Variants in CLEC16A observed in about 807,000 individuals in gnomAD.
CLEC16A encodes protein CLEC16A.
A neutral mutation model predicts 109.5 loss-of-function variants in CLEC16A; 51 were observed. The ratio of observed to expected loss-of-function variants is 0.47; its 90% CI spans 0.37 to 0.59. The LOEUF (loss-of-function observed/expected upper bound fraction) is 0.59. Among genes scored for constraint, CLEC16A ranks in the 20% least tolerant of loss-of-function variants. The probability of loss-of-function intolerance (pLI) is 0.00; values close to 1 mark genes in which losing one functional copy is unlikely to be tolerated. For synonymous variants in CLEC16A, 673 were observed against 564.2 expected (o/e 1.19, Z -2.73); for missense variants, 1,339 against 1,394.0 (o/e 0.96, Z 0.63).
At chr16:10,976,386 T>G (rs1246005033) in intron 7 of CLEC16A, among the ~76,000 whole-genome samples, 1 of 151,276 alleles carries the variant, frequency 6.6e-6, no homozygotes. Flanking sequence ...CGGATAGAAA[T>G]GTGACATCTA....
Position 11,147,520 on chromosome 16 carries a change from G to A in CLEC16A, c.2642-18868G>A, listed in dbSNP as rs574390642. ...CAGGTTGTTCTGCAGAGCAGGGTTAGGAGTAAAGTGTTTGTAATCCCCTGC... is the reference window on the plus strand; with the variant it reads ...CAGGTTGTTCTGCAGAGCAGGGTTAAGAGTAAAGTGTTTGTAATCCCCTGC... On this transcript the variant is annotated intron_variant, in intron 22 of 23. Transcript: ENST00000409790. Among the ~76,000 whole-genome samples the A allele has an allele frequency of 1.3e-3, 202 of 152,322 alleles. 1 individual carries two copies. The highest frequency in any genetic ancestry group is 2.0e-3 in the Non-Finnish European group (138 of 68,032).
chr16:10,967,969 A>G (rs1438603993), intron 3 of CLEC16A, among the ~76,000 whole-genome samples: 1 of 152,254 alleles, frequency 6.6e-6, no homozygotes, highest in Non-Finnish European at 1.5e-5. Flanking sequence ...AAGATCCTAC[A>G]GGTCTGACAA....
At chr16:11,156,584 T>G (rs2054531060) in intron 22 of CLEC16A, 7 of 1,304,222 alleles carry the variant, frequency 5.4e-6, no homozygotes, top group Non-Finnish European at 7.1e-6. Flanking sequence ...CCCTGCTGAC[T>G]GCCGCAGTAG....
At chr16:10,994,584 G>A (rs949428199) in intron 10 of CLEC16A, among the ~76,000 whole-genome samples, 1 of 152,064 alleles carries the variant, frequency 6.6e-6, no homozygotes. Flanking sequence ...TGTGTCTGTG[G>A]TCCCAGCTAC....
chr16:11,026,713 T>C (rs937046207), intron 13 of CLEC16A, among the ~76,000 whole-genome samples: 1 of 151,146 alleles, frequency 6.6e-6, no homozygotes, highest in Non-Finnish European at 1.5e-5. Flanking sequence ...TAACTTCTTA[T>C]AAAGAAGCTT....
At chr16:11,057,835 C>T (rs2048286458) in intron 18 of CLEC16A, among the ~76,000 whole-genome samples, 1 of 152,330 alleles carries the variant, frequency 6.6e-6, no homozygotes, top group African/African-American at 2.4e-5. Flanking sequence ...TAGTTATTCA[C>T]TAACTGACCT....
At chr16:11,142,224 C>T (rs1445327057) in intron 22 of CLEC16A, among the ~76,000 whole-genome samples, 2 of 152,232 alleles carry the variant, frequency 1.3e-5, no homozygotes, top group East Asian at 1.9e-4. Context: ...ATCGGACCCC[C>T]ACAGTCTGCT....
At chr16:11,122,279 G>C (rs2052477111) in intron 20 of CLEC16A, among the ~76,000 whole-genome samples, 1 of 152,208 alleles carries the variant, frequency 6.6e-6, no homozygotes, top group Non-Finnish European at 1.5e-5. Flanking sequence ...AGTGTGGTGT[G>C]AGAAACAACT....
chr16:11,106,274 C>T (rs1038123761), intron 19 of CLEC16A, among the ~76,000 whole-genome samples: 5 of 152,042 alleles, frequency 3.3e-5, no homozygotes, highest in Admixed American at 1.3e-4. Context: ...TGTCTTATCA[C>T]GTATCTACTT....
chr16:10,965,577 C>G (rs942884184), intron 3 of CLEC16A, among the ~76,000 whole-genome samples: 3 of 152,154 alleles, frequency 2.0e-5, no homozygotes, highest in Non-Finnish European at 4.4e-5. Flanking sequence ...TTAACCTGAC[C>G]ACGGGCATTT....
chr16:10,953,782 C>T (rs1050226443), intron 1 of CLEC16A, among the ~76,000 whole-genome samples: 14 of 152,300 alleles, frequency 9.2e-5, no homozygotes, highest in African/African-American at 2.6e-4. Flanking sequence ...CGAGACCATC[C>T]TGGCTAATAC....
chr16:10,966,605 AGCTCAGCACTGCTG>A (rs2042520295), intron 3 of CLEC16A, among the ~76,000 whole-genome samples: 1 of 152,200 alleles, frequency 6.6e-6, no homozygotes, highest in African/African-American at 2.4e-5. Context: ...ATTGACTTAC[AGCTCAGCACTGCTG>A]GGGAGGCCTC....
In CLEC16A at chr16:10,944,733, C is replaced by G. The variant is rs762151674; in HGVS notation, c.16C>G (p.Arg6Gly). ...GGCCGCCGACATGTTTGGCCGCTCG[C>G]GGAGCTGGGTGGGCGGGGGCCATGG... is the stretch of plus-strand genomic sequence containing the variant. The part of the protein sequence containing the change: MFGRS[R>G]SWVGGGHGKT... Residue 6 changes from arginine (R) to glycine (G), a missense_variant, in exon 1 of 24, where the codon CGG becomes GGG. By Grantham distance (125) the Arg-to-Gly change is moderately radical. Coordinates refer to ENST00000409790, the MANE Select transcript of CLEC16A (RefSeq NM_015226.3). The G allele has an allele frequency of 6.2e-7, 1 of 1,608,134 alleles. No individual in the cohort carries two copies. The highest frequency in any genetic ancestry group is 1.7e-5 in the Admixed American group (1 of 59,650).
intron 10 of CLEC16A, among the ~76,000 whole-genome samples, chr16:11,001,987 T>C (rs1245574738): frequency 1.3e-5 from 2 of 152,222 alleles, no homozygotes; most frequent in Admixed American, 6.5e-5. Context: ...TAGTGTTCCA[T>C]TGCCTGTAGT....
At chr16:11,147,095 G>C (rs1446688087) in intron 22 of CLEC16A, among the ~76,000 whole-genome samples, 1 of 151,988 alleles carries the variant, frequency 6.6e-6, no homozygotes, top group African/African-American at 2.4e-5. Context: ...GTCCCAGACA[G>C]GGGCTGCCAT....
At chr16:10,948,536 C>A (rs536930025) in intron 1 of CLEC16A, among the ~76,000 whole-genome samples, 147 of 152,294 alleles carry the variant, frequency 9.7e-4, no homozygotes, top group Non-Finnish European at 1.9e-3. Context: ...GTGATGGAAT[C>A]GTTTGATTGC....
intron 11 of CLEC16A, among the ~76,000 whole-genome samples, chr16:11,008,873 C>T (rs935076982): frequency 6.6e-6 from 1 of 150,910 alleles, no homozygotes; most frequent in African/African-American, 2.4e-5. Flanking sequence ...GTGGCGGGCA[C>T]CTGTAGTCCC....
intron 20 of CLEC16A, among the ~76,000 whole-genome samples, 180 bp downstream of exon 20, chr16:11,120,946 A>G (rs886638177): frequency 9.9e-5 from 15 of 152,214 alleles, no homozygotes; most frequent in African/African-American, 3.6e-4. Flanking sequence ...AAATGCACAG[A>G]TAAGAGCAAA....
At chr16:11,153,000 C>T (rs751245227) in intron 22 of CLEC16A, among the ~76,000 whole-genome samples, 5 of 152,122 alleles carry the variant, frequency 3.3e-5, no homozygotes, top group African/African-American at 7.2e-5. Flanking sequence ...CACTCCACCC[C>T]GACCCCGCAG....
Sources: gnomAD v4.1 joint callset for allele counts (sites outside exome capture counted in the v4.1 genomes callset) on GRCh38, gnomAD v4.1.1 for gene constraint, MANE v1.5 for transcripts, NCBI Gene and HGNC (gene_info 2026-07-23, HGNC 2026-07-21) for gene names.